Variants in GUCY2D observed in about 807,000 individuals in gnomAD.
The protein encoded by GUCY2D is retinal guanylyl cyclase 1.
A neutral mutation model predicts 101.3 loss-of-function variants in GUCY2D; 70 were observed. The ratio of observed to expected loss-of-function variants is 0.69; its 90% CI spans 0.57 to 0.84. The LOEUF is 0.84. Among genes scored for constraint, GUCY2D ranks in the 40% least tolerant of loss-of-function variants. The probability of loss-of-function intolerance (pLI) is 0.00; values close to 1 mark genes in which losing one functional copy is unlikely to be tolerated. For synonymous variants in GUCY2D, 688 were observed against 670.7 expected, an observed-to-expected ratio of 1.03 and a Z score of -0.40; for missense variants, 1,460 against 1,542.5, an observed-to-expected ratio of 0.95 and a Z score of 0.90.
Position 8,014,522 on chromosome 17 carries a change from G to C in GUCY2D, c.2413-79G>C. On this transcript the variant is annotated intron_variant, in intron 12 of 19. Transcript: ENST00000254854. This position sits in a 1 kb window ranked among gnomAD's most constrained non-coding sequence, Gnocchi z 4.0. ...GGGTTCAGAGTGAACAGCCCCATGA[G>C]AGGGCCCATGAGGGGGGCATAAAGA... 2 of 1,324,206 alleles carry C rather than the reference G, an allele frequency of 1.5e-6. No homozygotes were observed. The highest frequency in any genetic ancestry group is 1.2e-5 in the South Asian group (1 of 84,804). The allele number at this position is 1,324,206 out of a possible 1,614,324, so 82.0% of individuals were successfully genotyped here.
chr17:8,015,004 C>G lies in GUCY2D; in HGVS notation c.2722C>G (p.Leu908Val), dbSNP rs1257632848. ...PIEVVDLLND[L>V]YTLFDAIIGS... ...TGAGGTTGTGGACCTGCTCAACGAT[C>G]TCTACACACTCTTTGATGCCATCAT... The change falls in exon 14 of 20, where the codon CTC (leucine) becomes GTC (valine). Residue 908 changes from leucine (L) to valine (V), a missense_variant. Around this residue, in one of 3 missense-constraint regions of GUCY2D, gnomAD observed 49 missense variants for 85.0 expected, o/e 0.58. Transcript: ENST00000254854. 1 of 1,549,480 alleles carries G rather than the reference C, an allele frequency of 6.5e-7. No homozygotes were observed. The highest frequency in any genetic ancestry group is 8.7e-7 in the Non-Finnish European group (1 of 1,145,598).
Position 8,016,512 on chromosome 17 carries a change from G to A in GUCY2D, c.3294G>A (p.Arg1098=). The A allele has an allele frequency of 6.4e-7, 1 of 1,571,230 alleles. No homozygotes were observed. Among genetic ancestry groups the A allele is most frequent in the South Asian group, 1.2e-5 (1 of 85,968 alleles). Residue 1098 remains arginine (R), a synonymous_variant, in exon 19 of 20, where the codon CGG becomes CGA. Transcript: ENST00000254854. Reference sequence around the variant, plus strand: ...GGCGACGGAAGCTGGAGAAGGCGCGGCCGGGCCAGTTCTCTTGAGAAGTGA... The same window carrying A: ...GGCGACGGAAGCTGGAGAAGGCGCGACCGGGCCAGTTCTCTTGAGAAGTGA... ...PERRRKLEKA[R]PGQFS
At chr17:8,008,703 T>C (rs1300168505) in intron 7 of GUCY2D, among the ~76,000 whole-genome samples, 3 of 152,182 alleles carry the variant, frequency 2.0e-5, no homozygotes, top group African/African-American at 7.2e-5. Context: ...TTGGGGCAGA[T>C]TGTCCTAAAT....
Position 8,003,758 on chromosome 17 carries a change from C to A in GUCY2D, c.711C>A (p.Pro237=), listed in dbSNP as rs750484873. ...REALRKVRDG[P]RVTAVIMVMH... ...CCCTGAGGAAGGTTCGGGACGGGCCCAGGGTCACAGGTAGGCTCCCTTGCA... is the reference window on the plus strand; with the variant it reads ...CCCTGAGGAAGGTTCGGGACGGGCCAAGGGTCACAGGTAGGCTCCCTTGCA... The change falls in exon 2 of 20, where the codon CCC becomes CCA. Residue 237 remains proline (P), a synonymous_variant. Coordinates refer to ENST00000254854, the MANE Select transcript of GUCY2D (RefSeq NM_000180.4). 44 of 1,599,312 alleles carry A rather than the reference C, an allele frequency of 2.8e-5. No homozygotes were observed. Among genetic ancestry groups the A allele is most frequent in the Non-Finnish European group, 3.5e-5 (41 of 1,179,672 alleles).
At chr17:8,015,198 C>T (rs1452702328) in intron 14 of GUCY2D, 130 bp from the exon 15 acceptor site, 2 of 1,076,922 alleles carry the variant, frequency 1.9e-6, no homozygotes, top group East Asian at 2.5e-5. Context: ...CTCCAGTCCC[C>T]AGCTCAGTCC....
Position 8,012,610 on chromosome 17 carries a change from A to G in GUCY2D, c.2113+4A>G. On this transcript the variant is annotated splice_donor_region_variant and intron_variant, in intron 10 of 19. Transcript: ENST00000254854. ...CCGGAGCCTCCCAGAGCGGAGGGTA[A>G]GAGTCCCCTGTGCAGACGAGGATCC... 1 of 1,611,016 alleles carries G rather than the reference A, an allele frequency of 6.2e-7. No individual in the cohort carries two copies. The highest frequency in any genetic ancestry group is 8.5e-7 in the Non-Finnish European group (1 of 1,177,978).
chr17:8,006,574 GGCTTTTT>G lies in GUCY2D; in HGVS notation c.1241_1247del (p.Leu414ProfsTer72). On this transcript the variant is annotated frameshift_variant, in exon 4 of 20. Coordinates refer to ENST00000254854, the MANE Select transcript of GUCY2D (RefSeq NM_000180.4). LOFTEE classifies it high-confidence loss of function. ...CTAGACACGGACGCGGCGGGAGACC[GGCTTTTT>G]GCCACATACATGCTGGATCCTGCCC... 6.2e-7 allele frequency: 1 copy of G among 1,613,450 alleles called. No homozygotes were observed. The highest frequency in any genetic ancestry group is 8.5e-7 in the Non-Finnish European group (1 of 1,179,990).
Position 8,004,129 on chromosome 17 carries a change from G to C in GUCY2D, c.999G>C (p.Glu333Asp). 6.3e-7 allele frequency: 1 copy of C among 1,596,624 alleles called. No individual in the cohort carries two copies. Among genetic ancestry groups the C allele is most frequent in the Non-Finnish European group, 8.5e-7 (1 of 1,177,174 alleles). ...TGCGCAGGGCTCAAGAGCGCCGCGA[G>C]CTGCCCTCTGACCTCAATCTGCAGC... is the stretch of plus-strand genomic sequence containing the variant. Reference protein sequence around the residue: ...DSLRRAQERRELPSDLNLQQV... With the variant: ...DSLRRAQERRDLPSDLNLQQV... The change falls in exon 3 of 20, where the codon GAG (glutamate) becomes GAC (aspartate). Residue 333 changes from glutamate to aspartate, a missense_variant. By Grantham distance (45) the Glu-to-Asp change is conservative. Transcript: ENST00000254854.
chr17:8,006,517 T>C lies in GUCY2D; in HGVS notation c.1181T>C (p.Leu394Pro). The part of the protein sequence containing the change: ...DAQVPGFCGD[L>P]GGDEEPPFVL... ...CAGGTCCCTGGCTTCTGCGGGGACC[T>C]AGGAGGAGACGAGGAGCCCCCATTC... The change falls in exon 4 of 20, where the codon CTA becomes CCA. Residue 394 changes from leucine (L) to proline (P), a missense_variant. By Grantham distance (98) the Leu-to-Pro change is moderately conservative. Coordinates refer to ENST00000254854, the MANE Select transcript of GUCY2D (RefSeq NM_000180.4). The C allele has an allele frequency of 1.9e-6, 3 of 1,610,582 alleles. No homozygotes were observed. The highest frequency in any genetic ancestry group is 2.5e-6 in the Non-Finnish European group (3 of 1,179,992).
chr17:8,015,542 CTT>C (rs764579879), intron 15 of GUCY2D, 40 bp downstream of exon 15: 6 of 1,564,534 alleles, frequency 3.8e-6, no homozygotes, highest in Non-Finnish European at 4.4e-6. Context: ...CCATCTCCCT[CTT>C]TAGGGCCTGG....
chr17:8,016,066 G>A, intron 17 of GUCY2D, 45 bp downstream of exon 17: 1 of 1,516,232 alleles, frequency 6.6e-7, no homozygotes, highest in Non-Finnish European at 9.0e-7. Flanking sequence ...GCCCTGTCCT[G>A]AGGCACCGCC....
intron 3 of GUCY2D, among the ~76,000 whole-genome samples, chr17:8,004,438 G>A (rs921787057): frequency 6.6e-6 from 1 of 152,248 alleles, no homozygotes; most frequent in African/African-American, 2.4e-5. Flanking sequence ...AAGTAAACCC[G>A]TTTCCACCAC....
Position 8,007,942 on chromosome 17 carries a change from G to A in GUCY2D, c.1578G>A (p.Gly526=), listed in dbSNP as rs747095961. The A allele has an allele frequency of 1.2e-6, 2 of 1,611,090 alleles. No homozygotes were observed. Among genetic ancestry groups the A allele is most frequent in the Non-Finnish European group, 8.5e-7 (1 of 1,177,308 alleles). ...HGGTSRKVAQ[G]SRSSLGARSM... is the part of the protein sequence containing the mutation. Reference sequence around the variant, plus strand: ...CCTCTACCTGCTAGGTGGCCCAGGGGAGTCGATCAAGTCTGGGTGCCCGCA... The same window carrying A: ...CCTCTACCTGCTAGGTGGCCCAGGGAAGTCGATCAAGTCTGGGTGCCCGCA... The change falls in exon 7 of 20, where the codon GGG becomes GGA. Residue 526 remains glycine, a synonymous_variant. Coordinates refer to ENST00000254854, the MANE Select transcript of GUCY2D (RefSeq NM_000180.4).
intron 19 of GUCY2D, among the ~76,000 whole-genome samples, chr17:8,019,152 C>T (rs566465559): frequency 4.2e-4 from 64 of 152,254 alleles, no homozygotes; most frequent in Admixed American, 1.2e-3. Flanking sequence ...GGGATTGAAG[C>T]GCAGATTCAC....
At chr17:8,005,684 T>G (rs1468748664) in intron 3 of GUCY2D, among the ~76,000 whole-genome samples, 1 of 152,180 alleles carries the variant, frequency 6.6e-6, no homozygotes, top group East Asian at 1.9e-4. Flanking sequence ...TTTCCCCTAC[T>G]TTTACTCATT....
Position 8,016,214 on chromosome 17 carries a change from G to T in GUCY2D, c.3148G>T (p.Ala1050Ser), listed in dbSNP as rs1221467842. ...TCCCATGTCTCCCCAGGGCAAGGGC[G>T]CCGAGGACACTTTCTGGCTAGTGGG... The part of the protein sequence containing the change: ...RGRTELKGKG[A>S]EDTFWLVGRR... Residue 1050 changes from alanine to serine, a missense_variant, in exon 18 of 20, where the codon GCC becomes TCC. Physicochemically the swap from Ala to Ser is moderately conservative, Grantham distance 99 (BLOSUM62 1). Around this residue, in one of 3 missense-constraint regions of GUCY2D, gnomAD observed 215 missense variants for 227.9 expected, o/e 0.94. Transcript: ENST00000254854. The T allele has an allele frequency of 2.5e-6, 4 of 1,588,044 alleles. No homozygotes were observed. The highest frequency in any genetic ancestry group is 3.4e-6 in the Non-Finnish European group (4 of 1,167,012).
At position 8,003,267 on chromosome 17, in the gene GUCY2D, G is replaced by A. The variant is rs1975666878; in HGVS notation, c.220G>A (p.Asp74Asn). Residue 74 changes from aspartate to asparagine, a missense_variant, in exon 2 of 20, where the codon GAC (aspartate) becomes AAC (asparagine). Physicochemically the swap from Asp to Asn is conservative, Grantham distance 23. Coordinates refer to ENST00000254854, the MANE Select transcript of GUCY2D (RefSeq NM_000180.4). Reference protein sequence around the residue: ...CDPIFSRARPDLAARLAAARL... With the variant: ...CDPIFSRARPNLAARLAAARL... Reference sequence around the variant, plus strand: ...CCCCATCTTCTCTCGGGCTCGCCCGGACCTGGCCGCCCGCCTGGCCGCCGC... The same window carrying A: ...CCCCATCTTCTCTCGGGCTCGCCCGAACCTGGCCGCCCGCCTGGCCGCCGC... 1.3e-6 allele frequency: 2 copies of A among 1,501,290 alleles called. No homozygotes were observed. The highest frequency in any genetic ancestry group is 8.8e-7 in the Non-Finnish European group (1 of 1,130,830). 93.0% of individuals were successfully genotyped at this position (1,501,290 alleles called of 1,614,324 possible).
At chr17:8,007,902 G>C (rs1305170701) in intron 6 of GUCY2D, 29 bp from the exon 7 acceptor site, 2 of 1,376,380 alleles carry the variant, frequency 1.5e-6, no homozygotes, top group Non-Finnish European at 2.1e-6. Flanking sequence ...AATATATTTT[G>C]ACCTCTTGCA....
In GUCY2D at chr17:8,013,967, T is replaced by C. The variant is rs375010731; in HGVS notation, c.2351T>C (p.Met784Thr). 3.1e-6 allele frequency: 5 copies of C among 1,613,732 alleles called. No homozygotes were observed. The African/African-American group carries it at 4.0e-5, about 13-fold the overall frequency. ...DQAPVECILL[M>T]KQCWAEQPEL... Reference sequence around the variant, plus strand: ...GCACCTGTCGAGTGTATCCTCCTGATGAAGCAGTGCTGGGCAGAGCAGCCG... The same window carrying C: ...GCACCTGTCGAGTGTATCCTCCTGACGAAGCAGTGCTGGGCAGAGCAGCCG... The change falls in exon 12 of 20, where the codon ATG (methionine) becomes ACG (threonine). Residue 784 changes from methionine to threonine, a missense_variant. Coordinates refer to ENST00000254854, the MANE Select transcript of GUCY2D (RefSeq NM_000180.4). This position sits in a 1 kb window ranked among gnomAD's most constrained non-coding sequence, Gnocchi z 5.0.
Sources: allele counts gnomAD v4.1 joint callset (sites outside exome capture counted in the v4.1 genomes callset), GRCh38; gene constraint gnomAD v4.1.1; regional missense constraint gnomAD v4.1.1; non-coding constraint Gnocchi (gnomAD v3.1); transcripts MANE v1.5; gene names NCBI Gene and HGNC (gene_info 2026-07-23, HGNC 2026-07-21).